CTNND2: variants seen among roughly 807,000 people sequenced by gnomAD.
CTNND2 encodes the protein catenin delta 2, also known as catenin delta-2.
Under a neutral mutation model 144.4 loss-of-function variants are expected in CTNND2, and 22 were observed. The ratio of observed to expected loss-of-function variants is 0.15; its 90% CI spans 0.11 to 0.22. The LOEUF is 0.22. Among genes scored for constraint, CTNND2 ranks in the 10% least tolerant of loss-of-function variants. The pLI is 1.00. For synonymous variants in CTNND2, 751 were observed against 695.6 expected, an observed-to-expected ratio of 1.08 and a Z score of -1.25; for missense variants, 1,353 against 1,618.8, an observed-to-expected ratio of 0.84 and a Z score of 2.82.
chr5:11,492,713 AATAT>A (rs1162300537), intron 3 of CTNND2, among the ~76,000 whole-genome samples: 26 of 151,916 alleles, frequency 1.7e-4, no homozygotes, highest in African/African-American at 6.3e-4. Context: ...CATTAATAAA[AATAT>A]ATATTCATTA....
chr5:11,101,338 TTGTCTAGC>T (rs1201715084), intron 14 of CTNND2, among the ~76,000 whole-genome samples: 1 of 152,236 alleles, frequency 6.6e-6, no homozygotes, highest in Non-Finnish European at 1.5e-5. Context: ...TGATATTATT[TTGTCTAGC>T]TCATCAACAT....
At chr5:11,090,420 T>C (rs937303504) in intron 15 of CTNND2, among the ~76,000 whole-genome samples, 13 of 152,214 alleles carry the variant, frequency 8.5e-5, no homozygotes, top group South Asian at 4.1e-4. Context: ...AGACCAGTAT[T>C]GTGGCCTGTT....
chr5:11,300,038 T>G (rs922762363), intron 9 of CTNND2, among the ~76,000 whole-genome samples: 3 of 152,228 alleles, frequency 2.0e-5, no homozygotes, highest in African/African-American at 7.2e-5. Flanking sequence ...TGTATTCATT[T>G]ATATACATTT....
chr5:11,182,897 GC>G (rs1288526577), intron 11 of CTNND2, among the ~76,000 whole-genome samples: 1 of 152,186 alleles, frequency 6.6e-6, no homozygotes, highest in Non-Finnish European at 1.5e-5. Flanking sequence ...TGGTGAGGGA[GC>G]CCCCTGGAGG....
At chr5:11,722,615 A>G (rs1786751558) in intron 2 of CTNND2, among the ~76,000 whole-genome samples, 1 of 152,192 alleles carries the variant, frequency 6.6e-6, no homozygotes, top group African/African-American at 2.4e-5. Flanking sequence ...TAGAAGGGGA[A>G]GCAAACATGT....
intron 1 of CTNND2, among the ~76,000 whole-genome samples, chr5:11,868,470 C>T (rs1795879396): frequency 6.6e-6 from 1 of 152,112 alleles, no homozygotes; most frequent in African/African-American, 2.4e-5. Flanking sequence ...TGGAGTTTGC[C>T]TGCTCTTTAA....
chr5:11,251,785 T>C (rs1743685188), intron 9 of CTNND2, among the ~76,000 whole-genome samples: 1 of 152,192 alleles, frequency 6.6e-6, no homozygotes, highest in Non-Finnish European at 1.5e-5. Context: ...GAATTTCAAT[T>C]AAGTGACACA....
chr5:11,439,923 G>C (rs1197258421), intron 3 of CTNND2, among the ~76,000 whole-genome samples: 1 of 151,498 alleles, frequency 6.6e-6, no homozygotes, highest in Non-Finnish European at 1.5e-5. Flanking sequence ...CTCCCTCCCT[G>C]GTCTCCCAAA....
At position 11,130,465 on chromosome 5, in the gene CTNND2, T is replaced by C. The variant is rs1466049588; in HGVS notation, c.2160-12898A>G. Among the ~76,000 whole-genome samples, 2 of 152,214 alleles carry C rather than the reference T, an allele frequency of 1.3e-5. 1 individual carries two copies. The highest frequency in any genetic ancestry group is 2.9e-5 in the Non-Finnish European group (2 of 68,028). On this transcript the variant is annotated intron_variant, in intron 12 of 21. Coordinates refer to ENST00000304623, the MANE Select transcript of CTNND2 (RefSeq NM_001332.4). ...AAGACACCCTCTTGCTGTCAAGTAC[T>C]ACCTAGGGTTTTAGCTACATGATTC...
At chr5:11,066,494 C>T (rs1215264624) in intron 16 of CTNND2, among the ~76,000 whole-genome samples, 3 of 151,554 alleles carry the variant, frequency 2.0e-5, no homozygotes, top group Middle Eastern at 3.4e-3. Flanking sequence ...CCCCAACCAC[C>T]CCCTGCACTT....
In CTNND2 at chr5:11,573,550, C is replaced by G. The variant is rs934612495; in HGVS notation, c.175-8494G>C. On this transcript the variant is annotated intron_variant, in intron 2 of 21. Transcript: ENST00000304623. ...GAGTGTCCAACAAATCTGGACAGAACAAGCCATGATGTCAAGATGGAATGG... is the reference window on the plus strand; with the variant it reads ...GAGTGTCCAACAAATCTGGACAGAAGAAGCCATGATGTCAAGATGGAATGG... 3.9e-5 allele frequency among the ~76,000 whole-genome samples: 6 copies of G among 152,238 alleles called. No individual in the cohort carries two copies. The South Asian group carries it at 8.3e-4, about 21-fold the overall frequency.
intron 9 of CTNND2, among the ~76,000 whole-genome samples, chr5:11,336,338 G>A (rs572136455): frequency 6.6e-6 from 1 of 152,166 alleles, no homozygotes; most frequent in African/African-American, 2.4e-5. Flanking sequence ...ACATGAGTTC[G>A]AAAGGTTGAA....
intron 16 of CTNND2, among the ~76,000 whole-genome samples, chr5:11,072,757 C>A (rs1465482349): frequency 6.6e-6 from 1 of 152,214 alleles, no homozygotes; most frequent in Non-Finnish European, 1.5e-5. Context: ...GACCAGCATC[C>A]CATATCCGGC....
At chr5:11,333,776 A>C (rs1190755471) in intron 9 of CTNND2, among the ~76,000 whole-genome samples, 3 of 152,172 alleles carry the variant, frequency 2.0e-5, no homozygotes, top group Non-Finnish European at 4.4e-5. Flanking sequence ...CTCACTTGGC[A>C]GGCAGGTTGA....
At chr5:11,584,434 G>C (rs1293014070) in intron 2 of CTNND2, among the ~76,000 whole-genome samples, 1 of 144,978 alleles carries the variant, frequency 6.9e-6, no homozygotes, top group African/African-American at 2.5e-5. Flanking sequence ...TTGGGGGGGG[G>C]GAGGAGGAAG....
chr5:11,871,599 T>C (rs1735131658), intron 1 of CTNND2, among the ~76,000 whole-genome samples: 1 of 152,216 alleles, frequency 6.6e-6, no homozygotes, highest in Non-Finnish European at 1.5e-5. Context: ...ATAAAATCTT[T>C]AGGAATTTAA....
chr5:11,201,376 T>C (rs944251606), intron 10 of CTNND2, among the ~76,000 whole-genome samples: 10 of 152,040 alleles, frequency 6.6e-5, no homozygotes, highest in African/African-American at 2.4e-4. Context: ...TATCCCTCTT[T>C]AAAGACAACA....
At chr5:11,447,356 GACAAACAA>G (rs1291494637) in intron 3 of CTNND2, among the ~76,000 whole-genome samples, 1 of 149,248 alleles carries the variant, frequency 6.7e-6, no homozygotes. Context: ...AAAAAAAAAA[GACAAACAA>G]ACAAACAAAA....
chr5:11,784,107 G>A (rs1342159609), intron 1 of CTNND2, among the ~76,000 whole-genome samples: 1 of 152,180 alleles, frequency 6.6e-6, no homozygotes, highest in Non-Finnish European at 1.5e-5. Flanking sequence ...CTGACTTTTT[G>A]TTGTGATCAG....
Sources: allele counts gnomAD v4.1 joint callset (sites outside exome capture counted in the v4.1 genomes callset), GRCh38; gene constraint gnomAD v4.1.1; transcripts MANE v1.5; gene names NCBI Gene and HGNC (gene_info 2026-07-23, HGNC 2026-07-21).